The following XIRP2 variants were observed in gnomAD, a reference collection of about 807,000 sequenced individuals.
XIRP2 encodes xin actin-binding repeat-containing protein 2.
In XIRP2, 236 loss-of-function variants were observed where a neutral mutation model predicts 277.0. The ratio of observed to expected loss-of-function variants is 0.85; its 90% CI spans 0.77 to 0.95. The LOEUF (loss-of-function observed/expected upper bound fraction) is 0.95, where lower values mean the gene tolerates loss of function less well. Ranked by LOEUF, XIRP2 falls within the 40% of genes least tolerant of loss-of-function variation. XIRP2 has a pLI of 0.00. For synonymous variants in XIRP2, 1,490 were observed against 1,416.5 expected (o/e 1.05, Z -1.17); for missense variants, 4,640 against 4,157.5 (o/e 1.12, Z -3.19).
intron 2 of XIRP2, among the ~76,000 whole-genome samples, chr2:167,038,693 T>C (rs966389934): frequency 6.6e-6 from 1 of 151,992 alleles, no homozygotes; most frequent in Non-Finnish European, 1.5e-5. Flanking sequence ...CCTATCCATA[T>C]TTATACTAAT....
At chr2:166,918,256 G>A (rs529288108) in intron 2 of XIRP2, among the ~76,000 whole-genome samples, 2 of 152,094 alleles carry the variant, frequency 1.3e-5, no homozygotes, top group Non-Finnish European at 2.9e-5. Context: ...GCTTTGGTTT[G>A]CTGGTGGACT....
At chr2:167,166,062 T>C (rs1210998543) in intron 3 of XIRP2, among the ~76,000 whole-genome samples, 1 of 152,218 alleles carries the variant, frequency 6.6e-6, no homozygotes, top group Non-Finnish European at 1.5e-5. Flanking sequence ...TGTCCACTTG[T>C]TCCAATACCA....
chr2:167,131,312 C>A (rs1023830793), intron 2 of XIRP2, among the ~76,000 whole-genome samples: 10 of 152,152 alleles, frequency 6.6e-5, no homozygotes, highest in Admixed American at 1.3e-4. Flanking sequence ...ATATAGTCAG[C>A]ACCTCTATCT....
At chr2:166,976,101 G>A (rs1686711068) in intron 2 of XIRP2, among the ~76,000 whole-genome samples, 1 of 152,064 alleles carries the variant, frequency 6.6e-6, no homozygotes, top group African/African-American at 2.4e-5. Context: ...TGGAATATGA[G>A]AACTGGAAGA....
intron 2 of XIRP2, among the ~76,000 whole-genome samples, chr2:166,912,401 G>A (rs938686669): frequency 2.6e-5 from 4 of 152,096 alleles, no homozygotes; most frequent in South Asian, 2.1e-4. Flanking sequence ...TGATCGAATC[G>A]GCTATTGAAG....
chr2:166,939,679 C>CAAAAAA (rs138977006), intron 2 of XIRP2, among the ~76,000 whole-genome samples: 52 of 90,436 alleles, frequency 5.7e-4, no homozygotes, highest in East Asian at 1.2e-3. Flanking sequence ...GACTCCATCA[C>CAAAAAA]AAAAAAAAAA....
chr2:167,113,190 C>T (rs1420117100), intron 2 of XIRP2, among the ~76,000 whole-genome samples: 1 of 151,852 alleles, frequency 6.6e-6, no homozygotes, highest in Admixed American at 6.6e-5. Flanking sequence ...GAGTTCAAGT[C>T]CTGAGTATCT....
chr2:167,235,201 C>A (rs978917908), intron 5 of XIRP2, among the ~76,000 whole-genome samples: 1 of 151,760 alleles, frequency 6.6e-6, no homozygotes, highest in Non-Finnish European at 1.5e-5. Flanking sequence ...ATGGTGTCAG[C>A]TACCCTTTAC....
chr2:166,948,488 G>A (rs1200986947), intron 2 of XIRP2, among the ~76,000 whole-genome samples: 2 of 151,990 alleles, frequency 1.3e-5, no homozygotes. Flanking sequence ...GAGAAGATAC[G>A]TCAAACCCAC....
chr2:167,201,418 G>A (rs937514674), intron 3 of XIRP2, among the ~76,000 whole-genome samples: 9 of 151,670 alleles, frequency 5.9e-5, no homozygotes, highest in African/African-American at 1.9e-4. Context: ...CCTGTGATGC[G>A]GATTTAGACA....
At chr2:166,955,177 A>T (rs562528387) in intron 2 of XIRP2, among the ~76,000 whole-genome samples, 1 of 151,944 alleles carries the variant, frequency 6.6e-6, no homozygotes, top group African/African-American at 2.4e-5. Flanking sequence ...TCTATCAATT[A>T]GAAAACGGAT....
chr2:167,214,331 G>A (rs1694179152), intron 4 of XIRP2, among the ~76,000 whole-genome samples: 1 of 150,706 alleles, frequency 6.6e-6, no homozygotes, highest in South Asian at 2.1e-4. Context: ...AAGGAAGATA[G>A]CCAAGCATGA....
At chr2:167,184,452 A>G (rs2105360031) in intron 3 of XIRP2, 2 of 655,270 alleles carry the variant, frequency 3.1e-6, no homozygotes, top group South Asian at 3.6e-5. Flanking sequence ...TTAGACAGAA[A>G]ATAGAATTTG....
intron 1 of XIRP2, among the ~76,000 whole-genome samples, chr2:166,895,187 G>A (rs1253521849): frequency 6.6e-6 from 1 of 152,134 alleles, no homozygotes; most frequent in Non-Finnish European, 1.5e-5. Flanking sequence ...TTAATTAGAA[G>A]CAAAACATTT....
chr2:167,201,315 A>G, intron 3 of XIRP2, among the ~76,000 whole-genome samples: 2 of 147,558 alleles, frequency 1.4e-5, no homozygotes, highest in East Asian at 2.2e-4. Flanking sequence ...GAAGGAAGGA[A>G]AGAACGAAGG....
At chr2:167,184,670 T>G in intron 3 of XIRP2, 1 of 712,322 alleles carries the variant, frequency 1.4e-6, no homozygotes. Flanking sequence ...TGAATTGTAC[T>G]GCTTCTGGGT....
chr2:166,917,667 T>C (rs932320350), intron 2 of XIRP2, among the ~76,000 whole-genome samples: 3 of 152,108 alleles, frequency 2.0e-5, no homozygotes, highest in Non-Finnish European at 4.4e-5. Context: ...TTAAGCAATA[T>C]TGACTTGCCT....
chr2:167,067,805 T>C (rs1048969032), intron 2 of XIRP2, among the ~76,000 whole-genome samples: 2 of 152,204 alleles, frequency 1.3e-5, no homozygotes, highest in East Asian at 1.9e-4. Flanking sequence ...CCTGTAAATG[T>C]CTTGAAACTA....
At chr2:166,890,194 C>T (rs112303976) in intron 1 of XIRP2, among the ~76,000 whole-genome samples, 4,127 of 151,894 alleles carry the variant, frequency 0.027, 139 homozygotes, top group African/African-American at 0.086. Flanking sequence ...GGGGTTTCAC[C>T]GTGTTAGCCA....
Sources: allele counts gnomAD v4.1 joint callset (sites outside exome capture counted in the v4.1 genomes callset), GRCh38; gene constraint gnomAD v4.1.1; transcripts MANE v1.5; gene names NCBI Gene and HGNC (gene_info 2026-07-23, HGNC 2026-07-21).